SERPINB6: variants seen among roughly 807,000 people sequenced by gnomAD.
SERPINB6 encodes the protein serpin family B member 6.
In SERPINB6, 16 loss-of-function variants were observed where a neutral mutation model predicts 26.1. That is an observed-to-expected ratio of 0.61 (90% CI 0.42 to 0.93). The LOEUF (loss-of-function observed/expected upper bound fraction) is 0.93. SERPINB6 is among the 40% of genes least tolerant of loss of function. The pLI is 0.00. For missense variants in SERPINB6, 420 were observed against 478.0 expected, an observed-to-expected ratio of 0.88 and a Z score of 1.13; for synonymous variants, 174 against 176.6, an observed-to-expected ratio of 0.99 and a Z score of 0.11.
intron 4 of SERPINB6, among the ~76,000 whole-genome samples, chr6:2,953,866 T>C (rs1770104034): frequency 6.6e-6 from 1 of 151,542 alleles, no homozygotes; most frequent in Non-Finnish European, 1.5e-5. Context: ...CTGTCTCTAC[T>C]AAAAAATACA....
chr6:2,963,575 G>C (rs1299499253), intron 1 of SERPINB6: 1 of 152,254 alleles, frequency 6.6e-6, no homozygotes, highest in Non-Finnish European at 1.5e-5. Context: ...AACAATTCAT[G>C]CTAATACTGA....
chr6:2,949,463 G>A (rs1021584193), intron 5 of SERPINB6, among the ~76,000 whole-genome samples: 4 of 152,194 alleles, frequency 2.6e-5, no homozygotes, highest in Non-Finnish European at 4.4e-5. Flanking sequence ...CCTCCAAGTC[G>A]GCTCTGTCTA....
intron 2 of SERPINB6, chr6:2,957,034 T>C (rs1770584342): frequency 1.3e-5 from 2 of 152,342 alleles, no homozygotes; most frequent in East Asian, 1.9e-4. Context: ...AGCTGACACA[T>C]GCAGCCATCC....
rs999354438 is a variant in SERPINB6 at position 2,949,330 on chromosome 6, A to T, written c.574-261T>A. ...GGCTTTAAACACAATATCACACCAA[A>T]TTTACCTCCCGCCTGGGCCTCTGCC... On this transcript the variant is annotated intron_variant, in intron 5 of 6. Transcript: ENST00000380539. 8.5e-5 allele frequency among the ~76,000 whole-genome samples: 13 copies of T among 152,146 alleles called. 1 individual carries two copies. The South Asian group carries it at 2.7e-3, about 32-fold the overall frequency.
intron 1 of SERPINB6, chr6:2,960,057 A>G (rs1770919271): frequency 6.4e-6 from 1 of 156,772 alleles, no homozygotes; most frequent in Non-Finnish European, 1.4e-5. Flanking sequence ...GTGCATGCCC[A>G]TCTCCACCTT....
chr6:2,955,897 C>CTCT (rs1770422204), intron 2 of SERPINB6: 5 of 488,620 alleles, frequency 1.0e-5, no homozygotes, highest in African/African-American at 2.0e-5. Context: ...GCCAACATGG[C>CTCT]AAAACCCCAT....
chr6:2,955,713 T>C, intron 2 of SERPINB6, 43 bp from the exon 3 acceptor site: 1 of 1,608,944 alleles, frequency 6.2e-7, no homozygotes. Context: ...TCCTGTATGC[T>C]CTGACTTCAG....
chr6:2,970,078 T>A (rs7767763), intron 1 of SERPINB6: 83,359 of 957,690 alleles, frequency 0.087, 2,482 homozygotes, highest in African/African-American at 0.26. Flanking sequence ...AAAAAAAAAA[T>A]TTTCTTTCTT....
At position 2,968,000 on chromosome 6, in the gene SERPINB6, G is replaced by C. The variant is rs536211414; in HGVS notation, c.-11+3533C>G. 1 of 152,130 alleles carries C rather than the reference G, an allele frequency of 6.6e-6. No homozygotes were observed. The highest frequency in any genetic ancestry group is 1.5e-5 in the Non-Finnish European group (1 of 68,032). The allele number at this position is 152,130 out of a possible 1,614,324, so 9.4% of individuals were successfully genotyped here. Reference sequence around the variant, plus strand: ...TTCTCCCATAAAGATACACGCACGCGAATGTTCACCGCAGCACTATTCACA... The same window carrying C: ...TTCTCCCATAAAGATACACGCACGCCAATGTTCACCGCAGCACTATTCACA... On this transcript the variant is annotated intron_variant, in intron 1 of 6. Coordinates refer to ENST00000380539, the MANE Select transcript of SERPINB6 (RefSeq NM_004568.6). The surrounding 1 kb of genome is among the most constrained non-coding windows in gnomAD (Gnocchi z 4.3).
chr6:2,970,058 A>C (rs1771991118), intron 1 of SERPINB6: 5 of 157,502 alleles, frequency 3.2e-5, no homozygotes, highest in Non-Finnish European at 5.6e-5. Flanking sequence ...CCAGCCTGGC[A>C]AAAAAAAAAA....
rs1325863623 is a variant in SERPINB6, at chr6:2,953,175, C to G, written c.442G>C (p.Glu148Gln). 2 of 1,614,120 alleles carry G rather than the reference C, an allele frequency of 1.2e-6. No individual in the cohort carries two copies. Among genetic ancestry groups the G allele is most frequent in the African/African-American group, 2.7e-5 (2 of 74,936 alleles). Reference sequence around the variant, plus strand: ...TCCACTGAGCCCGGAGAGAGCAACTCCGCAATTTTACCTGAGCGGAAGAAT... The same window carrying G: ...TCCACTGAGCCCGGAGAGAGCAACTGCGCAATTTTACCTGAGCGGAAGAAT... ...VAEKTEGKIA[E>Q]LLSPGSVDPL... Residue 148 changes from glutamate to glutamine, a missense_variant, in exon 5 of 7, where the codon GAG becomes CAG. Transcript: ENST00000380539.
chr6:2,966,534 G>T, intron 1 of SERPINB6: 1 of 358,110 alleles, frequency 2.8e-6, no homozygotes, highest in Non-Finnish European at 3.9e-6. Flanking sequence ...CAGCGTTGGA[G>T]TCTTGTAGGA....
At chr6:2,971,140 C>G in intron 1 of SERPINB6, 1 of 1,025,214 alleles carries the variant, frequency 9.8e-7, no homozygotes, top group African/African-American at 1.7e-5. Flanking sequence ...GGCTCTGCGC[C>G]GCCCCCATCC....
intron 2 of SERPINB6, 29 bp from the exon 3 acceptor site, chr6:2,955,699 T>C: frequency 6.2e-7 from 1 of 1,613,504 alleles, no homozygotes; most frequent in Admixed American, 1.7e-5. Flanking sequence ...TGAAAACAAA[T>C]CATTCCTGTA....
chr6:2,949,612 A>G (rs1333735809), intron 5 of SERPINB6, among the ~76,000 whole-genome samples: 1 of 152,212 alleles, frequency 6.6e-6, no homozygotes, highest in Non-Finnish European at 1.5e-5. Context: ...CCTCGAGAAT[A>G]TAACAAAATC....
chr6:2,950,354 G>A (rs141058503), intron 5 of SERPINB6, among the ~76,000 whole-genome samples: 7 of 152,134 alleles, frequency 4.6e-5, no homozygotes, highest in African/African-American at 1.7e-4. Flanking sequence ...CCAACATGGT[G>A]AAACCCCACC....
chr6:2,957,328 T>C (rs909231323), intron 2 of SERPINB6: 1 of 152,196 alleles, frequency 6.6e-6, no homozygotes, highest in Non-Finnish European at 1.5e-5. Context: ...ATGAAGGAAC[T>C]GTTCCATTTT....
chr6:2,951,192 C>A (rs1204594870), intron 5 of SERPINB6, among the ~76,000 whole-genome samples: 1 of 152,102 alleles, frequency 6.6e-6, no homozygotes, highest in Non-Finnish European at 1.5e-5. Context: ...TCGAGACCAA[C>A]CTGACCAACA....
At chr6:2,969,110 G>A (rs1771897042) in intron 1 of SERPINB6, 2 of 1,047,974 alleles carry the variant, frequency 1.9e-6, no homozygotes, top group African/African-American at 1.7e-5. Flanking sequence ...ATCCTAAAAG[G>A]AAAGAAAAAA....
Sources: gnomAD v4.1 joint callset for allele counts (sites outside exome capture counted in the v4.1 genomes callset) on GRCh38, gnomAD v4.1.1 for gene constraint, Gnocchi (gnomAD v3.1) non-coding constraint, MANE v1.5 for transcripts, NCBI Gene and HGNC (gene_info 2026-07-23, HGNC 2026-07-21) for gene names.